The following CLTCL1 variants were observed in gnomAD, a reference collection of about 807,000 sequenced individuals.
CLTCL1 encodes clathrin heavy chain 2.
A neutral mutation model predicts 190.0 loss-of-function variants in CLTCL1; 159 were observed. The ratio of observed to expected loss-of-function variants is 0.84; its 90% CI spans 0.74 to 0.95. The LOEUF (loss-of-function observed/expected upper bound fraction) is 0.95, where lower values mean the gene tolerates loss of function less well. Among genes scored for constraint, CLTCL1 ranks in the 40% least tolerant of loss-of-function variants. CLTCL1 has a pLI of 0.00. For missense variants in CLTCL1, 1,878 were observed against 2,033.4 expected (o/e 0.92, Z 1.47); for synonymous variants, 752 against 769.6 (o/e 0.98, Z 0.38).
intron 23 of CLTCL1, among the ~76,000 whole-genome samples, chr22:19,200,325 C>T (rs1454430978): frequency 6.6e-6 from 1 of 152,178 alleles, no homozygotes; most frequent in African/African-American, 2.4e-5. Flanking sequence ...CAAAAATAAT[C>T]ACATAAGCCA....
rs1442952113 is a variant in CLTCL1, at chr22:19,226,383, C to T, written c.1783G>A (p.Val595Ile). ...TTATTTCCAAGGATGGCATCTGCAA[C>T]CTATGAAACAGGGAGTTCGGTGAGA... Reference protein sequence around the residue: ...LEMNLVHAPQVADAILGNKMF... With the variant: ...LEMNLVHAPQIADAILGNKMF... The change falls in exon 12 of 33, where the codon GTT (valine) becomes ATT (isoleucine). Residue 595 changes from valine to isoleucine, a missense_variant and splice_region_variant. Val to Ile is a conservative substitution (Grantham distance 29). Coordinates refer to ENST00000427926, the MANE Select transcript of CLTCL1 (RefSeq NM_007098.4). 1.9e-6 allele frequency: 3 copies of T among 1,613,834 alleles called. No homozygotes were observed. The highest frequency in any genetic ancestry group is 1.6e-4 in the Middle Eastern group (1 of 6,084).
At chr22:19,274,093 C>A (rs547851031) in intron 2 of CLTCL1, among the ~76,000 whole-genome samples, 2 of 152,286 alleles carry the variant, frequency 1.3e-5, no homozygotes, top group East Asian at 1.9e-4. Flanking sequence ...AAATGCAGAT[C>A]ATTTCTGAGA....
At chr22:19,180,866 T>C in intron 30 of CLTCL1, 60 bp from the exon 31 acceptor site, 1 of 1,494,216 alleles carries the variant, frequency 6.7e-7, no homozygotes. Context: ...GGCCTCTAGG[T>C]GAAAGTGGAG....
chr22:19,233,851 C>T (rs2145877132), intron 7 of CLTCL1, among the ~76,000 whole-genome samples: 1 of 152,322 alleles, frequency 6.6e-6, no homozygotes, highest in East Asian at 1.9e-4. Context: ...ACTTCTCCCC[C>T]AGCATGCTGC....
rs2084210700 is a variant in CLTCL1 at position 19,183,528 on chromosome 22, C to T, written c.4689G>A (p.Arg1563=). ...LLQWFLEEGK[R]ECFAACLFTC... is the part of the protein sequence containing the mutation. ...TGAAGAGACAAGCTGCGAAGCACTCCCTCTTGCCTTCCTCCAGGAACCACT... is the reference window on the plus strand; with the variant it reads ...TGAAGAGACAAGCTGCGAAGCACTCTCTCTTGCCTTCCTCCAGGAACCACT... Residue 1563 remains arginine, a synonymous_variant, in exon 30 of 33, where the codon AGG becomes AGA. Transcript: ENST00000427926. The T allele has an allele frequency of 1.2e-6, 2 of 1,613,720 alleles. No homozygotes were observed. Among genetic ancestry groups the T allele is most frequent in the African/African-American group, 2.7e-5 (2 of 74,938 alleles).
At position 19,233,266 on chromosome 22, in the gene CLTCL1, A is replaced by G; in HGVS notation, c.1421T>C (p.Leu474Pro). ...TGCCCGAAGGTACACACTCAGAGCGAGCATGGGGTCAGTGGTTTTGACCAA... is the reference window on the plus strand; with the variant it reads ...TGCCCGAAGGTACACACTCAGAGCGGGCATGGGGTCAGTGGTTTTGACCAA... The part of the protein sequence containing the change: ...GDLVKTTDPM[L>P]ALSVYLRANV... Residue 474 changes from leucine to proline, a missense_variant, in exon 9 of 33, where the codon CTC (leucine) becomes CCC (proline). Physicochemically the swap from Leu to Pro is moderately conservative, Grantham distance 98. Coordinates refer to ENST00000427926, the MANE Select transcript of CLTCL1 (RefSeq NM_007098.4). 6.2e-7 allele frequency: 1 copy of G among 1,613,956 alleles called. No individual in the cohort carries two copies. The highest frequency in any genetic ancestry group is 8.5e-7 in the Non-Finnish European group (1 of 1,179,838).
chr22:19,213,693 A>G (rs1282930902), intron 19 of CLTCL1, among the ~76,000 whole-genome samples: 18 of 152,288 alleles, frequency 1.2e-4, no homozygotes, highest in Admixed American at 1.1e-3. Context: ...AGGAGTCTAT[A>G]CCACGTGACT....
At chr22:19,253,928 G>T in intron 3 of CLTCL1, 31 bp downstream of exon 3, 1 of 1,602,816 alleles carries the variant, frequency 6.2e-7, no homozygotes, top group South Asian at 1.1e-5. Context: ...AGTTACATCA[G>T]ACCAGCCCCT....
chr22:19,280,641 A>G (rs2087673546), intron 1 of CLTCL1, among the ~76,000 whole-genome samples: 1 of 151,832 alleles, frequency 6.6e-6, no homozygotes, highest in African/African-American at 2.4e-5. Context: ...CAACACGGTG[A>G]AACCCTGTCT....
At chr22:19,266,480 T>C (rs1555978013) in intron 2 of CLTCL1, among the ~76,000 whole-genome samples, 1 of 152,188 alleles carries the variant, frequency 6.6e-6, no homozygotes, top group Non-Finnish European at 1.5e-5. Flanking sequence ...GCTTTCACTG[T>C]TGAATTCTAT....
rs532891918 is a variant in CLTCL1 at position 19,287,792 on chromosome 22, C to A, written c.42+3808G>T. On this transcript the variant is annotated intron_variant, in intron 1 of 32. Coordinates refer to ENST00000427926, the MANE Select transcript of CLTCL1 (RefSeq NM_007098.4). Reference sequence around the variant, plus strand: ...CTGGCTGGACACTGGACAAGATACACATCTGGGGAGAAAGGGAACCCCATT... The same window carrying A: ...CTGGCTGGACACTGGACAAGATACAAATCTGGGGAGAAAGGGAACCCCATT... Among the ~76,000 whole-genome samples, 7 of 152,256 alleles carry A rather than the reference C, an allele frequency of 4.6e-5. No homozygotes were observed. In the South Asian group the frequency reaches 1.2e-3, roughly 27 times the overall value.
Position 19,247,805 on chromosome 22 carries a change from C to T in CLTCL1, c.520-4869G>A, listed in dbSNP as rs1234958553. 3.9e-5 allele frequency among the ~76,000 whole-genome samples: 6 copies of T among 151,932 alleles called. No individual in the cohort carries two copies. In the East Asian group the frequency reaches 1.2e-3, roughly 30 times the overall value. On this transcript the variant is annotated intron_variant, in intron 3 of 32. Coordinates refer to ENST00000427926, the MANE Select transcript of CLTCL1 (RefSeq NM_007098.4). The stretch of plus-strand genomic sequence containing the variant: ...CGAACTCCTGACTTCAGGTGATCCT[C>T]CTGCCTTGGCCTCCCAAAGTGCTGG...
chr22:19,183,999 G>A (rs2084229091), intron 29 of CLTCL1: 5 of 321,406 alleles, frequency 1.6e-5, no homozygotes, highest in South Asian at 3.4e-5. Context: ...CAGTTAGGAG[G>A]GGTACGGCTA....
chr22:19,239,948 C>CTTTT (rs34417269), intron 4 of CLTCL1, among the ~76,000 whole-genome samples: 4 of 137,250 alleles, frequency 2.9e-5, no homozygotes, highest in Admixed American at 2.2e-4. Context: ...TCTTTTTCTT[C>CTTTT]TTTTTTTTTT....
At chr22:19,235,576 G>T in intron 6 of CLTCL1, 120 bp downstream of exon 6, 2 of 928,530 alleles carry the variant, frequency 2.2e-6, no homozygotes, top group Non-Finnish European at 3.3e-6. Context: ...ATGGGTTTAA[G>T]TTTAATAACA....
rs782714719 is a variant in CLTCL1 at position 19,187,542 on chromosome 22, G to A, written c.4605+16C>T. The A allele has an allele frequency of 3.1e-6, 5 of 1,598,268 alleles. No individual in the cohort carries two copies. The highest frequency in any genetic ancestry group is 4.3e-6 in the Non-Finnish European group (5 of 1,169,120). ...CAAGGCAGGAAGGTGGGAGGAAACG[G>A]GCCCAGGCCACCAACCTTGTAGAGA... is the stretch of plus-strand genomic sequence containing the variant. On this transcript the variant is annotated intron_variant, in intron 29 of 32. Coordinates refer to ENST00000427926, the MANE Select transcript of CLTCL1 (RefSeq NM_007098.4).
At chr22:19,242,702 C>T in intron 4 of CLTCL1, 73 bp downstream of exon 4, 1 of 1,536,546 alleles carries the variant, frequency 6.5e-7, no homozygotes, top group Non-Finnish European at 9.0e-7. Context: ...CCATGCCCAG[C>T]CACACACACG....
intron 19 of CLTCL1, 49 bp from the exon 20 acceptor site, chr22:19,210,558 C>T: frequency 6.4e-7 from 1 of 1,562,866 alleles, no homozygotes; most frequent in Non-Finnish European, 8.7e-7. Flanking sequence ...GAAGGCTGCA[C>T]AAACCATTTT....
chr22:19,252,970 C>T (rs2086641434), intron 3 of CLTCL1, among the ~76,000 whole-genome samples: 2 of 146,968 alleles, frequency 1.4e-5, no homozygotes, highest in Non-Finnish European at 3.0e-5. Flanking sequence ...GCCGAGATCG[C>T]GCCACTGCAC....
Sources: allele counts gnomAD v4.1 joint callset (sites outside exome capture counted in the v4.1 genomes callset), GRCh38; gene constraint gnomAD v4.1.1; transcripts MANE v1.5; gene names NCBI Gene and HGNC (gene_info 2026-07-23, HGNC 2026-07-21).